ZGRF1: variants seen among roughly 807,000 people sequenced by gnomAD.
ZGRF1 encodes the protein 5'-3' DNA helicase ZGRF1.
ZGRF1 carries 196 observed loss-of-function variants against 203.5 expected under a neutral mutation model. The observed-to-expected ratio is 0.96, with a 90% CI of 0.86 to 1.08. ZGRF1 has a LOEUF of 1.08. Among genes scored for constraint, ZGRF1 ranks in the 50% least tolerant of loss-of-function variants. The pLI is 0.00. For synonymous variants in ZGRF1, 809 were observed against 841.3 expected (o/e 0.96, Z 0.66); for missense variants, 2,326 against 2,416.3 (o/e 0.96, Z 0.78).
chr4:112,603,752 T>C (rs1032923010), intron 9 of ZGRF1, 55 bp from the exon 10 acceptor site: 3 of 1,348,478 alleles, frequency 2.2e-6, no homozygotes, highest in Non-Finnish European at 3.1e-6. Flanking sequence ...GACATATATA[T>C]TCACAAAGTA....
intron 20 of ZGRF1, among the ~76,000 whole-genome samples, chr4:112,557,173 T>C (rs991076937): frequency 1.3e-5 from 2 of 149,972 alleles, no homozygotes; most frequent in African/African-American, 2.5e-5. Flanking sequence ...CTACTTCTTC[T>C]TCTTTTTTTT....
chr4:112,600,964 T>C (rs1749860033), intron 10 of ZGRF1, among the ~76,000 whole-genome samples: 1 of 152,036 alleles, frequency 6.6e-6, no homozygotes, highest in Non-Finnish European at 1.5e-5. Flanking sequence ...ACTGTCTTTT[T>C]CTCAATCCTT....
At chr4:112,587,144 C>T in intron 12 of ZGRF1, 136 bp downstream of exon 12, 1 of 696,922 alleles carries the variant, frequency 1.4e-6, no homozygotes, top group Admixed American at 2.7e-5. Flanking sequence ...GATGATGTAA[C>T]TGTAGCTCAG....
rs761439088 is a variant in ZGRF1 at position 112,541,250 on chromosome 4, A to T, written c.5617T>A (p.Leu1873Met). ...LCLMGHKPIL[L>M]RTQYRCHPAI... ...GGATGACAACGGTATTGAGTTCTCAATAGAATTGGCTTGTGACCCTAAGAA... is the reference window on the plus strand; with the variant it reads ...GGATGACAACGGTATTGAGTTCTCATTAGAATTGGCTTGTGACCCTAAGAA... The change falls in exon 25 of 28, where the codon TTG becomes ATG. Residue 1873 changes from leucine (L) to methionine (M), a missense_variant. Leu to Met is a conservative substitution (Grantham distance 15, BLOSUM62 2). Coordinates refer to ENST00000505019, the MANE Select transcript of ZGRF1 (RefSeq NM_018392.5). 6.3e-7 allele frequency: 1 copy of T among 1,582,672 alleles called. No homozygotes were observed. Among genetic ancestry groups the T allele is most frequent in the Admixed American group, 1.7e-5 (1 of 58,340 alleles).
intron 16 of ZGRF1, among the ~76,000 whole-genome samples, chr4:112,577,026 G>A (rs569430052): frequency 1.0e-3 from 153 of 149,972 alleles, no homozygotes; most frequent in African/African-American, 3.6e-3. Flanking sequence ...GGCGGCCAAA[G>A]AGAAAGGTCG....
intron 16 of ZGRF1, among the ~76,000 whole-genome samples, chr4:112,566,812 A>C (rs1406189236): frequency 1.3e-5 from 2 of 152,062 alleles, no homozygotes; most frequent in Admixed American, 1.3e-4. Context: ...GGGATCAAAG[A>C]GGGTGGGGAG....
At chr4:112,540,219 G>T in intron 26 of ZGRF1, 95 bp from the exon 27 acceptor site, 4 of 849,708 alleles carry the variant, frequency 4.7e-6, no homozygotes, top group Non-Finnish European at 4.9e-6. Context: ...TTAACTAATA[G>T]TAAATAATTT....
chr4:112,558,160 C>T lies in ZGRF1; in HGVS notation c.5110G>A (p.Val1704Ile), dbSNP rs142685097. 1.1e-3 allele frequency: 1,709 copies of T among 1,604,612 alleles called. 3 individuals carry two copies. Among genetic ancestry groups the T allele is most frequent in the Non-Finnish European group, 1.3e-3 (1,542 of 1,177,160 alleles). The change falls in exon 20 of 28, where the codon GTA becomes ATA. Residue 1704 changes from valine (V) to isoleucine (I), a missense_variant. By Grantham distance (29) the Val-to-Ile change is conservative. Coordinates refer to ENST00000505019, the MANE Select transcript of ZGRF1 (RefSeq NM_018392.5). ...ACTTGTCATGCCTACCCAAGAAGTA[C>T]TCTGTCAACAGCCACATTAGTAGAA... Reference protein sequence around the residue: ...SSSTNVAVDRVLLGLLSLGFE... With the variant: ...SSSTNVAVDRILLGLLSLGFE...
chr4:112,634,922 GCGCTCGA>G (rs1392630158), intron 1 of ZGRF1, among the ~76,000 whole-genome samples: 1 of 151,994 alleles, frequency 6.6e-6, no homozygotes, highest in Admixed American at 6.5e-5. Context: ...ATGAGGTCAG[GCGCTCGA>G]GACCAGCCTG....
At chr4:112,548,154 T>C in intron 23 of ZGRF1, 99 bp downstream of exon 23, 1 of 1,031,600 alleles carries the variant, frequency 9.7e-7, no homozygotes. Context: ...TTGTCCAAGC[T>C]GGTCGCAAAC....
Position 112,587,471 on chromosome 4 carries a change from A to T in ZGRF1, c.3586T>A (p.Ser1196Thr). The change falls in exon 12 of 28, where the codon TCT becomes ACT. Residue 1196 changes from serine to threonine, a missense_variant. Transcript: ENST00000505019. ...ATTTGCAAATGCACAGAGTCTAAAG[A>T]GCTTTCATTGACAGCATCACTCTGT... ...ERQSDAVNES[S>T]LDSVHLQMIK... 6.2e-7 allele frequency: 1 copy of T among 1,613,950 alleles called. No individual in the cohort carries two copies.
In ZGRF1 at chr4:112,619,107, T is replaced by A. The variant is rs769741602; in HGVS notation, c.935A>T (p.Tyr312Phe). 1.9e-6 allele frequency: 3 copies of A among 1,613,754 alleles called. No individual in the cohort carries two copies. In the African/African-American group the frequency reaches 4.0e-5, roughly 22 times the overall value. Residue 312 changes from tyrosine to phenylalanine, a missense_variant, in exon 6 of 28, where the codon TAC becomes TTC. Coordinates refer to ENST00000505019, the MANE Select transcript of ZGRF1 (RefSeq NM_018392.5). ...GGTATTTTCTGATTGATGCTGGTAG[T>A]ATAAATTTTCTGTGCTCTTCATCTC... The part of the protein sequence containing the change: ...CAEMKSTENL[Y>F]YQHQSENTMR...
intron 11 of ZGRF1, 24 bp downstream of exon 11, chr4:112,589,700 T>C: frequency 1.2e-6 from 2 of 1,605,044 alleles, no homozygotes; most frequent in Non-Finnish European, 8.5e-7. Context: ...TAGACAGATA[T>C]TAGAGCAATG....
chr4:112,542,729 C>T (rs1372812071), intron 24 of ZGRF1, among the ~76,000 whole-genome samples: 1 of 151,994 alleles, frequency 6.6e-6, no homozygotes, highest in Non-Finnish European at 1.5e-5. Flanking sequence ...GCCTGACACC[C>T]CACCCAACTT....
chr4:112,601,102 C>CA (rs111982841), intron 10 of ZGRF1, among the ~76,000 whole-genome samples: 4,289 of 120,428 alleles, frequency 0.036, 119 homozygotes, highest in East Asian at 0.11. Flanking sequence ...GACTCCATCT[C>CA]AAAAAAAAAA....
intron 20 of ZGRF1, among the ~76,000 whole-genome samples, chr4:112,555,252 C>T (rs1414296407): frequency 6.6e-6 from 1 of 152,148 alleles, no homozygotes; most frequent in Non-Finnish European, 1.5e-5. Flanking sequence ...TGTCTACATC[C>T]AAAGGTTATG....
At chr4:112,631,248 T>C (rs2149212033) in intron 3 of ZGRF1, among the ~76,000 whole-genome samples, 1 of 152,292 alleles carries the variant, frequency 6.6e-6, no homozygotes, top group Middle Eastern at 3.4e-3. Context: ...GCAATCTTCC[T>C]GCCTCAGCCT....
At position 112,586,451 on chromosome 4, in the gene ZGRF1, G is replaced by A. The variant is rs751477794; in HGVS notation, c.3910C>T (p.Leu1304Phe). Residue 1304 changes from leucine (L) to phenylalanine (F), a missense_variant, in exon 13 of 28, where the codon CTC becomes TTC. Coordinates refer to ENST00000505019, the MANE Select transcript of ZGRF1 (RefSeq NM_018392.5). Reference sequence around the variant, plus strand: ...AAAAACACAACAGCCATACCTATGAGGCAAGATGTGAAAGTCTGCTTATAA... The same window carrying A: ...AAAAACACAACAGCCATACCTATGAAGCAAGATGTGAAAGTCTGCTTATAA... ...AHYKQTFTSC[L>F]IEHLNILLFG... is the part of the protein sequence containing the mutation. The A allele has an allele frequency of 5.0e-6, 8 of 1,607,996 alleles. No homozygotes were observed. Among genetic ancestry groups the A allele is most frequent in the Non-Finnish European group, 6.8e-6 (8 of 1,176,666 alleles).
At chr4:112,598,371 CA>C (rs1275979232) in intron 10 of ZGRF1, among the ~76,000 whole-genome samples, 2 of 151,890 alleles carry the variant, frequency 1.3e-5, no homozygotes, top group Admixed American at 6.6e-5. Context: ...CGGAAAAACC[CA>C]AAGTTATAAA....
Sources: allele counts gnomAD v4.1 joint callset (sites outside exome capture counted in the v4.1 genomes callset), GRCh38; gene constraint gnomAD v4.1.1; transcripts MANE v1.5; gene names NCBI Gene and HGNC (gene_info 2026-07-23, HGNC 2026-07-21).